TRIM22: variants seen among roughly 807,000 people sequenced by gnomAD.
TRIM22 encodes tripartite motif containing 22.
TRIM22 carries 45 observed loss-of-function variants against 53.6 expected under a neutral mutation model. That is an observed-to-expected ratio of 0.84 (90% CI 0.66 to 1.08). TRIM22 has a LOEUF of 1.08. TRIM22 is among the 50% of genes least tolerant of loss of function. TRIM22 has a pLI of 0.00. For synonymous variants in TRIM22, 225 were observed against 216.6 expected (o/e 1.04, Z -0.34); for missense variants, 616 against 590.9 (o/e 1.04, Z -0.44).
At chr11:5,703,264 G>C (rs1853400922) in intron 4 of TRIM22, among the ~76,000 whole-genome samples, 2 of 152,128 alleles carry the variant, frequency 1.3e-5, no homozygotes, top group African/African-American at 4.8e-5. Context: ...ATGCTCAATA[G>C]TTAGCTTCCA....
In TRIM22 at chr11:5,700,584, C is replaced by CTTTTTT. The variant is rs756680023; in HGVS notation, c.750+2055_750+2060dup. Reference sequence around the variant, plus strand: ...TAAGTATGATGTTAGCTATAGGAGTCTTTTTTTTTTTTTTTTTTTTTCAGA... The same window carrying CTTTTTT: ...TAAGTATGATGTTAGCTATAGGAGTCTTTTTTTTTTTTTTTTTTTTTTTTTTTCAGA... On this transcript the variant is annotated intron_variant, in intron 4 of 7. Transcript: ENST00000379965. Among the ~76,000 whole-genome samples the CTTTTTT allele has an allele frequency of 6.9e-3, 206 of 29,898 alleles. 18 individuals carry two copies. The highest frequency in any genetic ancestry group is 0.013 in the African/African-American group (103 of 7,746). The allele number at this position is 29,898 out of a possible 152,430, so 19.6% of individuals were successfully genotyped here. A position where few individuals can be genotyped will look rare whatever the true frequency, so the allele number is the denominator to read the frequency against.
In TRIM22 at chr11:5,697,277, G is replaced by A; in HGVS notation, c.453G>A (p.Leu151=). 1 of 1,613,494 alleles carries A rather than the reference G, an allele frequency of 6.2e-7. No homozygotes were observed. Among genetic ancestry groups the A allele is most frequent in the South Asian group, 1.1e-5 (1 of 90,920 alleles). Residue 151 remains leucine (L), a synonymous_variant, in exon 3 of 8, where the codon CTG becomes CTA. Transcript: ENST00000379965. ...AGCTGCAGGTAGCCCTGCAGAGGCTGATAAAGGAGGATCAAGAGGCTGAGA... is the reference window on the plus strand; with the variant it reads ...AGCTGCAGGTAGCCCTGCAGAGGCTAATAAAGGAGGATCAAGAGGCTGAGA... ...QEKLQVALQR[L]IKEDQEAEKL... is the part of the protein sequence containing the mutation.
chr11:5,709,049 A>C lies in TRIM22; in HGVS notation c.902-4A>C. On this transcript the variant is annotated splice_polypyrimidine_tract_variant and splice_region_variant and intron_variant, in intron 7 of 7. Coordinates refer to ENST00000379965, the MANE Select transcript of TRIM22 (RefSeq NM_006074.5). ...TTCACTTGACTTGGTAATTTTTTCT[A>C]CAGTGGACGTGATGCTGAATCCAGG... The C allele has an allele frequency of 6.2e-7, 1 of 1,608,250 alleles. No individual in the cohort carries two copies. Among genetic ancestry groups the C allele is most frequent in the Non-Finnish European group, 8.5e-7 (1 of 1,175,292 alleles).
chr11:5,699,509 C>A (rs1385856183), intron 4 of TRIM22, among the ~76,000 whole-genome samples: 2 of 92,106 alleles, frequency 2.2e-5, no homozygotes, highest in African/African-American at 5.5e-5. Context: ...CCGGCCTGGG[C>A]GACAGAGCGA....
intron 4 of TRIM22, among the ~76,000 whole-genome samples, chr11:5,702,903 T>C (rs1853395329): frequency 6.6e-6 from 1 of 152,228 alleles, no homozygotes; most frequent in Non-Finnish European, 1.5e-5. Context: ...TCTTGAGTCA[T>C]GGGTGTTATT....
chr11:5,708,823 T>A (rs1853508083), intron 7 of TRIM22, among the ~76,000 whole-genome samples: 2 of 152,058 alleles, frequency 1.3e-5, no homozygotes, highest in Non-Finnish European at 2.9e-5. Flanking sequence ...TTCAAGCGAT[T>A]CTGCTGCCTC....
At chr11:5,697,050 T>C in intron 2 of TRIM22, 198 bp from the exon 3 acceptor site, 1 of 548,566 alleles carries the variant, frequency 1.8e-6, no homozygotes, top group Non-Finnish European at 3.2e-6. Flanking sequence ...GATAAGAGGA[T>C]GGTGACTTCC....
chr11:5,709,234 G>T lies in TRIM22; in HGVS notation c.1083G>T (p.Val361=), dbSNP rs372072774. 2.0e-5 allele frequency: 33 copies of T among 1,614,178 alleles called. No homozygotes were observed. Among genetic ancestry groups the T allele is most frequent in the Admixed American group, 3.3e-5 (2 of 60,024 alleles). ...SSGKYYWEVD[V]SGKIAWILGV... ...GGAAATATTACTGGGAAGTAGATGT[G>T]TCTGGAAAGATTGCCTGGATCCTGG... Residue 361 remains valine, a synonymous_variant, in exon 8 of 8, where the codon GTG becomes GTT. Coordinates refer to ENST00000379965, the MANE Select transcript of TRIM22 (RefSeq NM_006074.5).
chr11:5,706,607 T>A lies in TRIM22; in HGVS notation c.764T>A (p.Val255Asp). Residue 255 changes from valine to aspartate, a missense_variant, in exon 5 of 8, where the codon GTC becomes GAC. Physicochemically the swap from Val to Asp is radical, Grantham distance 152. Transcript: ENST00000379965. ...TCTTTTCCCCAGGATGTGATTGACGTCATGAAAAGGTATATGTGGAAGAGA... is the reference window on the plus strand; with the variant it reads ...TCTTTTCCCCAGGATGTGATTGACGACATGAAAAGGTATATGTGGAAGAGA... ...SVEMLQDVID[V>D]MKRSESWTLK... 1 of 1,612,706 alleles carries A rather than the reference T, an allele frequency of 6.2e-7. No homozygotes were observed.
rs1292899378 is a variant in TRIM22 at position 5,696,661 on chromosome 11, C to A, written c.423+6C>A. ...AGGTGGTCAAGGAATGTCAGGTAGG[C>A]TCCAAGATAGAGGAAGAGAGAGCAG... On this transcript the variant is annotated splice_donor_region_variant and intron_variant, in intron 2 of 7. Transcript: ENST00000379965. 4 of 1,601,966 alleles carry A rather than the reference C, an allele frequency of 2.5e-6. No individual in the cohort carries two copies. The highest frequency in any genetic ancestry group is 2.2e-5 in the South Asian group (2 of 90,200).
At chr11:5,697,000 G>T in intron 2 of TRIM22, 1 of 511,270 alleles carries the variant, frequency 2.0e-6, no homozygotes, top group Non-Finnish European at 3.4e-6. Context: ...CCTTACTGCA[G>T]GGTCTGCTTT....
At chr11:5,693,421 T>C (rs1853206777) in intron 1 of TRIM22, among the ~76,000 whole-genome samples, 1 of 151,606 alleles carries the variant, frequency 6.6e-6, no homozygotes, top group African/African-American at 2.4e-5. Flanking sequence ...TCTTCAATGT[T>C]AGAATAAAGA....
At position 5,695,205 on chromosome 11, in the gene TRIM22, G is replaced by A. The variant is rs1033999157; in HGVS notation, c.-66-962G>A. On this transcript the variant is annotated intron_variant, in intron 1 of 7. Transcript: ENST00000379965. ...GAAGCTAAATGTGCAGTGAGTGACAGTACTGGTGGTTTTGCTATAAGTAAA... is the reference window on the plus strand; with the variant it reads ...GAAGCTAAATGTGCAGTGAGTGACAATACTGGTGGTTTTGCTATAAGTAAA... Among the ~76,000 whole-genome samples the A allele has an allele frequency of 3.3e-5, 5 of 152,324 alleles. No individual in the cohort carries two copies. In the East Asian group the frequency reaches 9.6e-4, roughly 29 times the overall value.
intron 5 of TRIM22, 140 bp from the exon 6 acceptor site, chr11:5,708,033 C>G (rs534607731): frequency 1.1e-4 from 70 of 632,886 alleles, no homozygotes; most frequent in African/African-American, 1.8e-5. Flanking sequence ...ACTCCAGTGT[C>G]AGGCATCTCC....
intron 5 of TRIM22, 140 bp from the exon 6 acceptor site, chr11:5,708,033 C>T (rs534607731): frequency 1.4e-5 from 9 of 632,768 alleles, no homozygotes; most frequent in Non-Finnish European, 2.5e-5. Context: ...ACTCCAGTGT[C>T]AGGCATCTCC....
intron 5 of TRIM22, among the ~76,000 whole-genome samples, chr11:5,707,425 A>G (rs1853477930): frequency 6.6e-6 from 1 of 152,178 alleles, no homozygotes; most frequent in Admixed American, 6.5e-5. Flanking sequence ...CTAGGAACCC[A>G]CATCTCTGGC....
At chr11:5,701,036 T>C (rs996230331) in intron 4 of TRIM22, among the ~76,000 whole-genome samples, 3 of 152,242 alleles carry the variant, frequency 2.0e-5, no homozygotes, top group African/African-American at 7.2e-5. Context: ...CCAGCTTGCA[T>C]ACCTTGAATA....
At chr11:5,706,501 T>A in intron 4 of TRIM22, 93 bp from the exon 5 acceptor site, 1 of 1,161,394 alleles carries the variant, frequency 8.6e-7, no homozygotes, top group Non-Finnish European at 1.2e-6. Flanking sequence ...ACAAAAAATA[T>A]ATTGTTTATC....
At chr11:5,693,934 G>A (rs374584938) in intron 1 of TRIM22, among the ~76,000 whole-genome samples, 3 of 152,070 alleles carry the variant, frequency 2.0e-5, no homozygotes, top group African/African-American at 7.2e-5. Flanking sequence ...TCTGGTCCAT[G>A]CCTCTCTTCT....
Sources: gnomAD v4.1 joint callset for allele counts (sites outside exome capture counted in the v4.1 genomes callset) on GRCh38, gnomAD v4.1.1 for gene constraint, MANE v1.5 for transcripts, NCBI Gene and HGNC (gene_info 2026-07-23, HGNC 2026-07-21) for gene names.